The following KLF12 variants were observed in gnomAD, a reference collection of about 807,000 sequenced individuals.
The protein encoded by KLF12 is Krueppel-like factor 12.
In KLF12, 9 loss-of-function variants were observed where a neutral mutation model predicts 37.8. The observed-to-expected ratio is 0.24, with a 90% CI of 0.14 to 0.42. KLF12 has a LOEUF of 0.42. Ranked by LOEUF, KLF12 falls within the 10% of genes least tolerant of loss-of-function variation. The pLI, the probability that KLF12 is intolerant of heterozygous loss-of-function variation, is 1.00. For synonymous variants in KLF12, 208 were observed against 202.1 expected (o/e 1.03, Z -0.25); for missense variants, 411 against 516.0 (o/e 0.80, Z 1.97).
chr13:73,858,574 G>A (rs1378413166), intron 3 of KLF12, among the ~76,000 whole-genome samples: 1 of 152,108 alleles, frequency 6.6e-6, no homozygotes, highest in East Asian at 1.9e-4. Flanking sequence ...GGCCTTTTCT[G>A]TTTTTGATGA....
chr13:73,758,763 C>G (rs1879354578), intron 6 of KLF12, among the ~76,000 whole-genome samples: 1 of 152,092 alleles, frequency 6.6e-6, no homozygotes, highest in Non-Finnish European at 1.5e-5. Flanking sequence ...ATTTTTTTCC[C>G]TTATATCATC....
chr13:73,915,511 TTTTG>T (rs1050649275), intron 3 of KLF12, among the ~76,000 whole-genome samples: 4 of 151,408 alleles, frequency 2.6e-5, no homozygotes, highest in African/African-American at 4.9e-5. Flanking sequence ...TCTTTTTCAG[TTTTG>T]TTTCTTTTTT....
At chr13:74,242,782 C>T in the KLF12 span, among the ~76,000 whole-genome samples, 2 of 152,156 alleles carry the variant, frequency 1.3e-5, no homozygotes, top group South Asian at 2.1e-4. Flanking sequence ...TTTTAAGAAG[C>T]TCACAGTCTA....
chr13:74,184,277 T>A, the KLF12 span, among the ~76,000 whole-genome samples: 2 of 152,220 alleles, frequency 1.3e-5, no homozygotes, highest in African/African-American at 4.8e-5. Context: ...AAAACACTAA[T>A]AAATATCATT....
chr13:74,026,864 A>C (rs1019766227), intron 1 of KLF12, among the ~76,000 whole-genome samples: 6 of 152,228 alleles, frequency 3.9e-5, no homozygotes, highest in Admixed American at 6.5e-5. Context: ...CAAGTCGATC[A>C]GCTAGTCCCA....
chr13:73,858,352 C>T (rs889052250), intron 3 of KLF12, among the ~76,000 whole-genome samples: 5 of 152,120 alleles, frequency 3.3e-5, no homozygotes, highest in African/African-American at 9.7e-5. Flanking sequence ...TAAAAATTAA[C>T]ACATCCACTT....
intron 1 of KLF12, among the ~76,000 whole-genome samples, chr13:74,009,140 C>T (rs1379287247): frequency 1.3e-5 from 2 of 152,166 alleles, no homozygotes; most frequent in Non-Finnish European, 2.9e-5. Flanking sequence ...CAATAAAGCA[C>T]TGCATTGTAA....
intron 5 of KLF12, among the ~76,000 whole-genome samples, chr13:73,797,871 C>T (rs1882078214): frequency 6.6e-6 from 1 of 151,968 alleles, no homozygotes; most frequent in Admixed American, 6.6e-5. Flanking sequence ...AGGCCTGGTC[C>T]AGGCCCAGAG....
intron 6 of KLF12, among the ~76,000 whole-genome samples, chr13:73,738,116 T>TAC (rs1566331275): frequency 3.0e-5 from 2 of 66,586 alleles, no homozygotes; most frequent in South Asian, 8.3e-4. Flanking sequence ...TATATATATA[T>TAC]ATATATATAC....
intron 1 of KLF12, among the ~76,000 whole-genome samples, chr13:74,016,496 G>C (rs2138395945): frequency 6.6e-6 from 1 of 152,286 alleles, no homozygotes; most frequent in South Asian, 2.1e-4. Context: ...TAAGTAGCTA[G>C]GAGTACAGGC....
At chr13:73,706,657 CT>C (rs1874972398) in intron 7 of KLF12, among the ~76,000 whole-genome samples, 2 of 152,234 alleles carry the variant, frequency 1.3e-5, no homozygotes, top group Admixed American at 6.5e-5. Flanking sequence ...GTGATGCTTG[CT>C]GCATCCCCCC....
chr13:74,255,891 C>T, the KLF12 span, among the ~76,000 whole-genome samples: 2 of 152,128 alleles, frequency 1.3e-5, no homozygotes, highest in African/African-American at 4.8e-5. Context: ...CACGGTGGCT[C>T]ACGCCTGTAA....
the KLF12 span, among the ~76,000 whole-genome samples, chr13:74,226,445 T>A: frequency 1.3e-5 from 2 of 152,284 alleles, no homozygotes; most frequent in East Asian, 3.9e-4. Context: ...ATCTTGGATG[T>A]GTTCATTTAA....
chr13:74,207,506 T>G, the KLF12 span, among the ~76,000 whole-genome samples: 1 of 152,078 alleles, frequency 6.6e-6, no homozygotes, highest in East Asian at 1.9e-4. Context: ...AAACCCCGTC[T>G]CTACTAAAAA....
chr13:73,750,746 GC>G (rs35124471), intron 6 of KLF12, among the ~76,000 whole-genome samples: 52,821 of 151,982 alleles, frequency 0.35, 10,490 homozygotes, highest in African/African-American at 0.54. Context: ...TAGGTATTAC[GC>G]CCAGAATGCA....
intron 6 of KLF12, among the ~76,000 whole-genome samples, chr13:73,752,436 T>C (rs368910881): frequency 1.8e-4 from 14 of 75,678 alleles, no homozygotes; most frequent in African/African-American, 1.1e-3. Context: ...ATGCACCCTG[T>C]GGTAACTATC....
At chr13:74,169,981 T>C in the KLF12 span, among the ~76,000 whole-genome samples, 1 of 147,478 alleles carries the variant, frequency 6.8e-6, no homozygotes, top group African/African-American at 2.4e-5. Flanking sequence ...CAAACAAATA[T>C]TGCCATTTTT....
At chr13:74,215,549 C>G in the KLF12 span, among the ~76,000 whole-genome samples, 1 of 145,784 alleles carries the variant, frequency 6.9e-6, no homozygotes, top group Admixed American at 7.1e-5. Flanking sequence ...ATGTTTAAAA[C>G]TGAATGCTTA....
At chr13:73,735,128 TAAAAAAAA>T (rs34423201) in intron 6 of KLF12, among the ~76,000 whole-genome samples, 1 of 93,640 alleles carries the variant, frequency 1.1e-5, no homozygotes. Flanking sequence ...CCTCTACTAT[TAAAAAAAA>T]AAAAAAAAAA....
Sources: allele counts gnomAD v4.1 joint callset (sites outside exome capture counted in the v4.1 genomes callset), GRCh38; gene constraint gnomAD v4.1.1; transcripts MANE v1.5; gene names NCBI Gene and HGNC (gene_info 2026-07-23, HGNC 2026-07-21).